Variants in NT5C1B observed in about 807,000 individuals in gnomAD.
NT5C1B encodes the protein 5'-nucleotidase, cytosolic IB.
Under a neutral mutation model 57.8 loss-of-function variants are expected in NT5C1B, and 44 were observed. That is an observed-to-expected ratio of 0.76 (90% confidence interval 0.60 to 0.98). The LOEUF is 0.98. Among genes scored for constraint, NT5C1B ranks in the 50% least tolerant of loss-of-function variants. The probability of loss-of-function intolerance (pLI) is 0.00; values close to 1 mark genes in which losing one functional copy is unlikely to be tolerated. For synonymous variants in NT5C1B, 284 were observed against 282.6 expected (o/e 1.00, Z -0.05); for missense variants, 742 against 719.5 (o/e 1.03, Z -0.36).
intron 8 of NT5C1B, among the ~76,000 whole-genome samples, chr2:18,568,882 C>T (rs915066754): frequency 6.6e-6 from 1 of 152,164 alleles, no homozygotes; most frequent in African/African-American, 2.4e-5. Flanking sequence ...TCTCATATCT[C>T]CCTTAAATGA....
chr2:18,574,539 A>G (rs1665500766), intron 8 of NT5C1B, among the ~76,000 whole-genome samples: 1 of 152,136 alleles, frequency 6.6e-6, no homozygotes, highest in African/African-American at 2.4e-5. Flanking sequence ...TGCAGCATTT[A>G]CTACAGCATT....
At chr2:18,576,469 C>G in intron 7 of NT5C1B, 101 bp from the exon 8 acceptor site, 1 of 1,437,964 alleles carries the variant, frequency 7.0e-7, no homozygotes. Flanking sequence ...TGTTTTCTCT[C>G]TAGCTATTAC....
Position 18,584,602 on chromosome 2 carries a change from CGCTGCT to C in NT5C1B, c.629_634del (p.Gln210_Gln211del). 1 of 1,611,896 alleles carries C rather than the reference CGCTGCT, an allele frequency of 6.2e-7. No individual in the cohort carries two copies. The highest frequency in any genetic ancestry group is 8.5e-7 in the Non-Finnish European group (1 of 1,179,002). ...AGCCTCGTAGTCGTCCTCGTCCTCCCGCTGCTGCTGCTGCTGCTCGGACAGAGAGTT... is the reference window on the plus strand; with the variant it reads ...AGCCTCGTAGTCGTCCTCGTCCTCCCGCTGCTGCTGCTCGGACAGAGAGTT... On this transcript the variant is annotated inframe_deletion, in exon 4 of 9. Coordinates refer to ENST00000304081, the Ensembl canonical transcript of NT5C1B. The surrounding 1 kb of genome is among the most constrained non-coding windows in gnomAD (Gnocchi z 5.8).
At chr2:18,586,818 G>T (rs538327977) in intron 2 of NT5C1B, 1 of 1,166,244 alleles carries the variant, frequency 8.6e-7, no homozygotes, top group Non-Finnish European at 1.2e-6. Flanking sequence ...GTTGCAGGGG[G>T]ACTCTAAGGC....
Position 18,583,208 on chromosome 2 carries a change from G to C in NT5C1B, c.892-211C>G, listed in dbSNP as rs141126638. Among the ~76,000 whole-genome samples the C allele has an allele frequency of 6.7e-4, 102 of 152,296 alleles. 1 individual carries two copies. The highest frequency in any genetic ancestry group is 2.5e-3 in the African/African-American group (102 of 41,564). On this transcript the variant is annotated intron_variant, in intron 5 of 8. Transcript: ENST00000304081. Reference sequence around the variant, plus strand: ...CTCAGTTAATGTTCACAATACATGAGTAATGTTTGTTGAAAATTGTTTCCA... The same window carrying C: ...CTCAGTTAATGTTCACAATACATGACTAATGTTTGTTGAAAATTGTTTCCA...
At chr2:18,564,520 G>A (rs1664463737) in intron 8 of NT5C1B, among the ~76,000 whole-genome samples, 1 of 152,110 alleles carries the variant, frequency 6.6e-6, no homozygotes, top group South Asian at 2.1e-4. Flanking sequence ...TGTGAATTGT[G>A]CATTTTAACT....
rs377077406 is a variant in NT5C1B, at chr2:18,571,979, G to A, written c.1329+4205C>T. Reference sequence around the variant, plus strand: ...TGGGTGCCTATAGTCACAGCTACTCGGGCAGCTGAGGCAGGAGAATCTCTT... The same window carrying A: ...TGGGTGCCTATAGTCACAGCTACTCAGGCAGCTGAGGCAGGAGAATCTCTT... On this transcript the variant is annotated intron_variant, in intron 8 of 8. Transcript: ENST00000304081. Among the ~76,000 whole-genome samples the A allele has an allele frequency of 7.4e-5, 11 of 149,506 alleles. No homozygotes were observed. The South Asian group carries it at 1.3e-3, about 17-fold the overall frequency.
chr2:18,568,024 A>G (rs969255799), intron 8 of NT5C1B, among the ~76,000 whole-genome samples: 3 of 151,906 alleles, frequency 2.0e-5, no homozygotes, highest in Non-Finnish European at 2.9e-5. Flanking sequence ...AAATTGCCCA[A>G]ACTGAAAAGA....
rs145060005 is a variant in NT5C1B, at chr2:18,584,602, CGCT to C, written c.632_634del (p.Gln211del). The C allele has an allele frequency of 6.5e-5, 104 of 1,607,596 alleles. No homozygotes were observed. The highest frequency in any genetic ancestry group is 2.4e-4 in the Admixed American group (14 of 59,424). On this transcript the variant is annotated inframe_deletion, in exon 4 of 9. Transcript: ENST00000304081. This position sits in a 1 kb window ranked among gnomAD's most constrained non-coding sequence, Gnocchi z 5.8. Reference sequence around the variant, plus strand: ...AGCCTCGTAGTCGTCCTCGTCCTCCCGCTGCTGCTGCTGCTGCTCGGACAGAGA... The same window carrying C: ...AGCCTCGTAGTCGTCCTCGTCCTCCCGCTGCTGCTGCTGCTCGGACAGAGA...
intron 8 of NT5C1B, 41 bp from the exon 9 acceptor site, chr2:18,564,160 C>T (rs1408142621): frequency 6.7e-7 from 1 of 1,503,740 alleles, no homozygotes; most frequent in African/African-American, 1.4e-5. Context: ...TACAGTGAGC[C>T]AAAGAAAGTG....
intron 8 of NT5C1B, among the ~76,000 whole-genome samples, chr2:18,570,562 G>T (rs1028826313): frequency 7.2e-5 from 11 of 151,962 alleles, no homozygotes; most frequent in African/African-American, 2.7e-4. Context: ...AAAGAAAAAT[G>T]GAAGTTCTAT....
At chr2:18,577,783 A>G (rs545528162) in intron 6 of NT5C1B, among the ~76,000 whole-genome samples, 17 of 152,174 alleles carry the variant, frequency 1.1e-4, no homozygotes, top group Admixed American at 1.1e-3. Context: ...AATGAAATTG[A>G]GATGGGAAAA....
chr2:18,576,381 G>A lies in NT5C1B; in HGVS notation c.1145-13C>T, dbSNP rs1403234126. On this transcript the variant is annotated splice_polypyrimidine_tract_variant and intron_variant, in intron 7 of 8. Coordinates refer to ENST00000304081, the Ensembl canonical transcript of NT5C1B. The stretch of plus-strand genomic sequence containing the variant: ...GCAGAGGCAATACCTGATAGATCAT[G>A]GAGACTGATTAATACTCTTCTCAGG... 3 of 1,607,298 alleles carry A rather than the reference G, an allele frequency of 1.9e-6. No homozygotes were observed. Among genetic ancestry groups the A allele is most frequent in the Non-Finnish European group, 2.5e-6 (3 of 1,177,982 alleles).
At position 18,587,539 on chromosome 2, in the gene NT5C1B, CTT is replaced by C; in HGVS notation, c.82_83del (p.Lys28GlyfsTer3). ...GACGAACTCCTGTTTTGTCAGATTC[CTT>C]TCTTTTTTCTGCTTCTAGACTCTCT... On this transcript the variant is annotated frameshift_variant, in exon 2 of 9. Transcript: ENST00000304081. LOFTEE classifies it high-confidence loss of function. The C allele has an allele frequency of 6.2e-7, 1 of 1,613,876 alleles. No homozygotes were observed. Among genetic ancestry groups the C allele is most frequent in the Non-Finnish European group, 8.5e-7 (1 of 1,180,008 alleles).
At chr2:18,581,892 C>A (rs181126751) in intron 6 of NT5C1B, among the ~76,000 whole-genome samples, 7 of 152,272 alleles carry the variant, frequency 4.6e-5, no homozygotes, top group African/African-American at 1.7e-4. Context: ...AACAAGGCTG[C>A]ATGAGAAGGT....
At chr2:18,577,132 T>G (rs1665758135) in intron 6 of NT5C1B, among the ~76,000 whole-genome samples, 2 of 152,190 alleles carry the variant, frequency 1.3e-5, no homozygotes, top group South Asian at 4.1e-4. Context: ...CATTACAGTT[T>G]ATGGGCATAG....
intron 1 of NT5C1B, among the ~76,000 whole-genome samples, chr2:18,588,394 G>A (rs1303606610): frequency 6.6e-6 from 1 of 152,184 alleles, no homozygotes; most frequent in Non-Finnish European, 1.5e-5. Flanking sequence ...CACTAGAGCA[G>A]TCTATATTCA....
chr2:18,586,006 CT>C (rs11291136), intron 3 of NT5C1B, among the ~76,000 whole-genome samples: 1,854 of 152,202 alleles, frequency 0.012, 29 homozygotes, highest in African/African-American at 0.037. Context: ...GCCTCTAGAT[CT>C]GGAGCCCCTG....
chr2:18,583,145 C>G (rs1558384667), intron 5 of NT5C1B, 148 bp from the exon 6 acceptor site: 1 of 1,077,464 alleles, frequency 9.3e-7, no homozygotes, highest in East Asian at 2.8e-5. Context: ...AGATTTATCC[C>G]ATGCATTTCT....
Sources: allele counts gnomAD v4.1 joint callset (sites outside exome capture counted in the v4.1 genomes callset), GRCh38; gene constraint gnomAD v4.1.1; non-coding constraint Gnocchi (gnomAD v3.1); transcripts MANE v1.5; gene names NCBI Gene and HGNC (gene_info 2026-07-23, HGNC 2026-07-21).